SHQ1: variants seen among roughly 807,000 people sequenced by gnomAD.
SHQ1 encodes the protein SHQ1, H/ACA ribonucleoprotein assembly factor.
A neutral mutation model predicts 53.8 loss-of-function variants in SHQ1; 49 were observed. The observed-to-expected ratio is 0.91, with a 90% CI of 0.72 to 1.16. The LOEUF is 1.16. SHQ1 is among the 50% of genes most tolerant of loss of function. The probability of loss-of-function intolerance (pLI) is 0.00; values close to 1 mark genes in which losing one functional copy is unlikely to be tolerated. For synonymous variants in SHQ1, 243 were observed against 251.0 expected (o/e 0.97, Z 0.30); for missense variants, 738 against 683.1 (o/e 1.08, Z -0.90).
chr3:72,787,339 A>T (rs929170464), intron 10 of SHQ1, among the ~76,000 whole-genome samples: 10 of 152,226 alleles, frequency 6.6e-5, no homozygotes, highest in African/African-American at 2.4e-4. Context: ...GAAAAGTGTG[A>T]TTTAACATCT....
chr3:72,806,649 G>A (rs553529131), intron 9 of SHQ1, among the ~76,000 whole-genome samples: 2 of 152,238 alleles, frequency 1.3e-5, no homozygotes, highest in Admixed American at 6.5e-5. Context: ...ATAGCATATC[G>A]ATTTTCCATC....
At chr3:72,821,612 G>A (rs1435818268) in intron 6 of SHQ1, among the ~76,000 whole-genome samples, 2 of 152,274 alleles carry the variant, frequency 1.3e-5, no homozygotes, top group East Asian at 3.9e-4. Context: ...ATGAATCAAA[G>A]GTACACCCCT....
At chr3:72,780,959 A>AATTAGC (rs929122454) in intron 10 of SHQ1, among the ~76,000 whole-genome samples, 2 of 152,078 alleles carry the variant, frequency 1.3e-5, no homozygotes, top group African/African-American at 4.8e-5. Flanking sequence ...GCCCACCACT[A>AATTAGC]CACCCGGCTA....
chr3:72,827,625 C>T (rs1707698844), intron 5 of SHQ1, among the ~76,000 whole-genome samples: 1 of 152,010 alleles, frequency 6.6e-6, no homozygotes, highest in Admixed American at 6.6e-5. Context: ...GTGGTCTATG[C>T]TTGAATTGTC....
At chr3:72,800,392 G>A (rs1044898080) in intron 9 of SHQ1, among the ~76,000 whole-genome samples, 3 of 152,160 alleles carry the variant, frequency 2.0e-5, no homozygotes, top group Non-Finnish European at 4.4e-5. Flanking sequence ...TTAACCCTAC[G>A]AGTTAGGTAC....
chr3:72,761,332 T>C lies in SHQ1; in HGVS notation c.1182-10496A>G, dbSNP rs1369390552. ...GATTAGAAGCACACACCACCACGCC[T>C]GGCTAATTTATAAATTTTTTGTAGT... On this transcript the variant is annotated intron_variant, in intron 10 of 10. Transcript: ENST00000325599. Among the ~76,000 whole-genome samples the C allele has an allele frequency of 3.3e-5, 5 of 152,208 alleles. No individual in the cohort carries two copies. The South Asian group carries it at 1.0e-3, about 32-fold the overall frequency.
intron 9 of SHQ1, among the ~76,000 whole-genome samples, chr3:72,800,857 C>T (rs931613515): frequency 6.6e-6 from 1 of 152,176 alleles, no homozygotes; most frequent in Non-Finnish European, 1.5e-5. Flanking sequence ...TGTAGCTGTA[C>T]AAACTTTATT....
chr3:72,738,890 C>T, the SHQ1 span, among the ~76,000 whole-genome samples: 1 of 152,174 alleles, frequency 6.6e-6, no homozygotes, highest in Non-Finnish European at 1.5e-5. Flanking sequence ...GCAGTGGCCC[C>T]ACCCCGCCCC....
chr3:72,797,644 C>T (rs1575701664), intron 9 of SHQ1, among the ~76,000 whole-genome samples: 1 of 152,202 alleles, frequency 6.6e-6, no homozygotes, highest in South Asian at 2.1e-4. Context: ...GTTACATGCT[C>T]TCTTCACAAG....
At position 72,749,629 on chromosome 3, in the gene SHQ1, A is replaced by G. The variant is rs1329119547; in HGVS notation, c.*655T>C. 2 of 218,688 alleles carry G rather than the reference A, an allele frequency of 9.1e-6. No homozygotes were observed. The highest frequency in any genetic ancestry group is 1.8e-5 in the Non-Finnish European group (2 of 108,980). 13.5% of individuals were successfully genotyped at this position (218,688 alleles called of 1,614,324 possible). ...ACGCAGGGTATACATACGCCAACAC[A>G]TTGTACACTTTTGATACGTGCAGTT... is the stretch of plus-strand genomic sequence containing the variant. On this transcript the variant is annotated 3_prime_UTR_variant, in exon 11 of 11. Transcript: ENST00000325599.
intron 10 of SHQ1, among the ~76,000 whole-genome samples, chr3:72,762,506 C>T (rs964222211): frequency 1.7e-4 from 26 of 152,192 alleles, no homozygotes; most frequent in Non-Finnish European, 3.1e-4. Context: ...AAATGTGCTT[C>T]GCTGTGATCC....
Position 72,755,313 on chromosome 3 carries a change from TGATA to T in SHQ1, c.1182-4481_1182-4478del, listed in dbSNP as rs201924356. 3.6e-3 allele frequency among the ~76,000 whole-genome samples: 543 copies of T among 152,204 alleles called. 4 individuals carry two copies. Among genetic ancestry groups the T allele is most frequent in the East Asian group, 0.019 (101 of 5,184 alleles). On this transcript the variant is annotated intron_variant, in intron 10 of 10. Coordinates refer to ENST00000325599, the MANE Select transcript of SHQ1 (RefSeq NM_018130.3). Reference sequence around the variant, plus strand: ...ATGGATGGATGGATAGATGGATGGATGATAGATAGATAGACAGATAAATTGATTT... The same window carrying T: ...ATGGATGGATGGATAGATGGATGGATGATAGATAGACAGATAAATTGATTT...
At chr3:72,748,192 A>G (rs1359600831), downstream of SHQ1, among the ~76,000 whole-genome samples, 5 of 151,958 alleles carry the variant, frequency 3.3e-5, no homozygotes, top group African/African-American at 9.7e-5. Flanking sequence ...AGCAAGACCC[A>G]TAAGGATCAA....
the SHQ1 span, among the ~76,000 whole-genome samples, chr3:72,729,390 TGCTC>T: frequency 6.6e-6 from 1 of 152,202 alleles, no homozygotes. Context: ...CTGGGGCCGC[TGCTC>T]GTGCTGCCTC....
At chr3:72,731,933 G>GCCA in the SHQ1 span, among the ~76,000 whole-genome samples, 720 of 151,530 alleles carry the variant, frequency 4.8e-3, 24 homozygotes, top group African/African-American at 0.016. Context: ...TGTGAGCACA[G>GCCA]CCACCTCAGA....
chr3:72,733,536 C>T, the SHQ1 span, among the ~76,000 whole-genome samples: 235 of 151,720 alleles, frequency 1.5e-3, 7 homozygotes, highest in African/African-American at 5.2e-3. Flanking sequence ...TATAAGGGCT[C>T]GAGCTCCAGC....
At chr3:72,748,456 C>T (rs1705295979), downstream of SHQ1, among the ~76,000 whole-genome samples, 1 of 151,358 alleles carries the variant, frequency 6.6e-6, no homozygotes, top group Non-Finnish European at 1.5e-5. Flanking sequence ...TTTGGGAGAC[C>T]GAGGTGGACA....
chr3:72,763,022 TACAC>T (rs35278618), intron 10 of SHQ1, among the ~76,000 whole-genome samples: 44,378 of 132,174 alleles, frequency 0.34, 8,110 homozygotes, highest in East Asian at 0.56. Flanking sequence ...CATCTTGTTT[TACAC>T]ACACACACAC....
intron 10 of SHQ1, among the ~76,000 whole-genome samples, chr3:72,752,354 G>A (rs1283449394): frequency 6.6e-6 from 1 of 152,156 alleles, no homozygotes; most frequent in Non-Finnish European, 1.5e-5. Context: ...GTGGGAACTG[G>A]AAATATGGGG....
Sources: gnomAD v4.1 joint callset for allele counts (sites outside exome capture counted in the v4.1 genomes callset) on GRCh38, gnomAD v4.1.1 for gene constraint, MANE v1.5 for transcripts, NCBI Gene and HGNC (gene_info 2026-07-23, HGNC 2026-07-21) for gene names.